HSDL2: variants seen among roughly 807,000 people sequenced by gnomAD.
HSDL2 encodes hydroxysteroid dehydrogenase-like protein 2.
In HSDL2, 27 loss-of-function variants were observed where a neutral mutation model predicts 46.3. The ratio of observed to expected loss-of-function variants is 0.58; its 90% confidence interval spans 0.43 to 0.80. HSDL2 has a LOEUF of 0.80. Ranked by LOEUF, HSDL2 falls within the 30% of genes least tolerant of loss-of-function variation. HSDL2 has a pLI of 0.00. For missense variants in HSDL2, 451 were observed against 502.7 expected (o/e 0.90, Z 0.98); for synonymous variants, 153 against 163.6 (o/e 0.94, Z 0.50).
intron 1 of HSDL2, among the ~76,000 whole-genome samples, chr9:112,385,343 T>A (rs1011849484): frequency 3.3e-5 from 5 of 152,154 alleles, no homozygotes; most frequent in East Asian, 1.9e-4. Flanking sequence ...TTATTTATTT[T>A]TTTGAGATGG....
chr9:112,405,533 G>T, intron 2 of HSDL2, 91 bp from the exon 3 acceptor site: 2 of 823,236 alleles, frequency 2.4e-6, no homozygotes, highest in Non-Finnish European at 2.0e-6. Flanking sequence ...TCTGAAAACA[G>T]GGTACTTTTT....
chr9:112,386,928 T>C (rs2132592218), intron 1 of HSDL2, among the ~76,000 whole-genome samples: 1 of 152,234 alleles, frequency 6.6e-6, no homozygotes, highest in Admixed American at 6.5e-5. Context: ...ATAAATGGCA[T>C]AAAGAGTGGA....
At chr9:112,440,746 C>T (rs1189723741) in intron 7 of HSDL2, among the ~76,000 whole-genome samples, 2 of 152,098 alleles carry the variant, frequency 1.3e-5, no homozygotes, top group Admixed American at 1.3e-4. Context: ...CGGTGGCTCA[C>T]GCCCATAATC....
chr9:112,462,683 A>G (rs1033633334), intron 10 of HSDL2, among the ~76,000 whole-genome samples: 2 of 152,060 alleles, frequency 1.3e-5, no homozygotes, highest in Admixed American at 6.6e-5. Flanking sequence ...AACTTTTGTT[A>G]AAACAGTATT....
intron 5 of HSDL2, among the ~76,000 whole-genome samples, chr9:112,418,230 C>A (rs1832038425): frequency 6.6e-6 from 1 of 152,030 alleles, no homozygotes; most frequent in Admixed American, 6.6e-5. Flanking sequence ...AAAACCTGTT[C>A]TTTACAAAAT....
At chr9:112,402,219 T>C (rs962588132) in intron 1 of HSDL2, among the ~76,000 whole-genome samples, 2 of 152,222 alleles carry the variant, frequency 1.3e-5, no homozygotes, top group African/African-American at 4.8e-5. Flanking sequence ...TCTTTTAGTT[T>C]TTCTTTTATG....
At chr9:112,452,089 TA>T (rs1429256267) in intron 8 of HSDL2, among the ~76,000 whole-genome samples, 3 of 152,172 alleles carry the variant, frequency 2.0e-5, no homozygotes, top group Non-Finnish European at 4.4e-5. Flanking sequence ...TAAAACAGGC[TA>T]AAAAAATTCT....
intron 3 of HSDL2, among the ~76,000 whole-genome samples, chr9:112,406,657 G>A (rs189735074): frequency 6.6e-6 from 1 of 152,070 alleles, no homozygotes; most frequent in Admixed American, 6.5e-5. Context: ...ATTTAGTAGA[G>A]ACAGGTTTCG....
intron 4 of HSDL2, among the ~76,000 whole-genome samples, chr9:112,409,546 A>G (rs986824059): frequency 3.3e-5 from 5 of 152,180 alleles, no homozygotes; most frequent in Non-Finnish European, 7.3e-5. Flanking sequence ...AATTTAGGAA[A>G]GACTAAAGTA....
At chr9:112,448,478 T>TG (rs1399691541) in intron 8 of HSDL2, among the ~76,000 whole-genome samples, 1 of 152,100 alleles carries the variant, frequency 6.6e-6, no homozygotes, top group African/African-American at 2.4e-5. Context: ...ATATGGTAAA[T>TG]GGGTACTTTT....
chr9:112,416,189 C>T (rs990767785), intron 4 of HSDL2, among the ~76,000 whole-genome samples: 12 of 151,058 alleles, frequency 7.9e-5, no homozygotes, highest in Admixed American at 2.6e-4. Flanking sequence ...GCGGGTAGAT[C>T]GCTTGAGTCC....
intron 8 of HSDL2, among the ~76,000 whole-genome samples, chr9:112,451,649 T>C (rs1053140853): frequency 1.3e-5 from 2 of 152,244 alleles, no homozygotes; most frequent in African/African-American, 4.8e-5. Flanking sequence ...ATATTGTCTG[T>C]CTATACTAGT....
At chr9:112,416,588 TAA>T (rs35674008) in intron 4 of HSDL2, among the ~76,000 whole-genome samples, 61 of 134,188 alleles carry the variant, frequency 4.5e-4, no homozygotes, top group East Asian at 4.3e-4. Flanking sequence ...ACCCTGTCTC[TAA>T]AAAAAAAAAA....
At chr9:112,403,567 T>C (rs1443886977) in intron 1 of HSDL2, among the ~76,000 whole-genome samples, 1 of 152,180 alleles carries the variant, frequency 6.6e-6, no homozygotes, top group Non-Finnish European at 1.5e-5. Flanking sequence ...TTTTAAGTGG[T>C]ATGTAGTCAT....
In HSDL2 at chr9:112,452,914, G is replaced by A. The variant is rs544356725; in HGVS notation, c.866-1099G>A. 2.0e-5 allele frequency among the ~76,000 whole-genome samples: 3 copies of A among 152,234 alleles called. No individual in the cohort carries two copies. In the South Asian group the frequency reaches 6.2e-4, roughly 32 times the overall value. ...AATGTTGCAGGTAACCTCCATTCCC[G>A]TGACCTAGTGTTTCCAGAGAGGGCA... On this transcript the variant is annotated intron_variant, in intron 8 of 10. Transcript: ENST00000398805.
At chr9:112,393,987 T>G (rs536832876) in intron 1 of HSDL2, among the ~76,000 whole-genome samples, 78 of 152,300 alleles carry the variant, frequency 5.1e-4, no homozygotes, top group African/African-American at 1.8e-3. Flanking sequence ...TGGCAATGCC[T>G]GATGTTCTCC....
intron 1 of HSDL2, among the ~76,000 whole-genome samples, chr9:112,391,900 A>G (rs576336568): frequency 7.9e-5 from 4 of 50,488 alleles, no homozygotes; most frequent in East Asian, 5.8e-4. Flanking sequence ...AAAAAAAAAG[A>G]AAAGAAAAGA....
rs375171051 is a variant in HSDL2 at position 112,408,268 on chromosome 9, CAGGG to C, written c.281-633_281-630del. On this transcript the variant is annotated intron_variant, in intron 3 of 10. Transcript: ENST00000398805. ...GAATTTGATCCAAGGTTTATGGAGA[CAGGG>C]AGGGACAACCAGGAGGTAAGAGAAC... is the stretch of plus-strand genomic sequence containing the variant. 6.8e-3 allele frequency among the ~76,000 whole-genome samples: 1,028 copies of C among 152,154 alleles called. 10 individuals carry two copies. The highest frequency in any genetic ancestry group is 0.023 in the African/African-American group (949 of 41,500).
chr9:112,388,736 T>C (rs7868883), intron 1 of HSDL2, among the ~76,000 whole-genome samples: 136,508 of 151,960 alleles, frequency 0.9, 61,370 homozygotes, highest in South Asian at 0.96. Context: ...CCTGGGCGAC[T>C]GAGTGTGACT....
Sources: gnomAD v4.1 joint callset for allele counts (sites outside exome capture counted in the v4.1 genomes callset) on GRCh38, gnomAD v4.1.1 for gene constraint, MANE v1.5 for transcripts, NCBI Gene and HGNC (gene_info 2026-07-23, HGNC 2026-07-21) for gene names.